RFT1: variants seen among roughly 807,000 people sequenced by gnomAD.
The protein encoded by RFT1 is RFT1 glycolipid translocator homolog.
In RFT1, 43 loss-of-function variants were observed where a neutral mutation model predicts 62.2. That is an observed-to-expected ratio of 0.69 (90% confidence interval 0.54 to 0.89). The LOEUF is 0.89. RFT1 is among the 40% of genes least tolerant of loss of function. The probability of loss-of-function intolerance (pLI) is 0.00; values close to 1 mark genes in which losing one functional copy is unlikely to be tolerated. For synonymous variants in RFT1, 262 were observed against 264.6 expected, an observed-to-expected ratio of 0.99 and a Z score of 0.10; for missense variants, 605 against 649.9, an observed-to-expected ratio of 0.93 and a Z score of 0.75.
intron 10 of RFT1, 102 bp from the exon 11 acceptor site, chr3:53,099,588 G>A (rs573867279): frequency 2.4e-4 from 208 of 861,546 alleles, no homozygotes; most frequent in Non-Finnish European, 3.6e-4. Context: ...AGACTATGAG[G>A]TCTGCTGGTA....
the RFT1 span, among the ~76,000 whole-genome samples, chr3:53,081,264 A>G: frequency 6.6e-6 from 1 of 152,208 alleles, no homozygotes; most frequent in African/African-American, 2.4e-5. Flanking sequence ...CCATTAAATC[A>G]TGAGTATTTA....
At position 53,104,014 on chromosome 3, in the gene RFT1, G is replaced by A; in HGVS notation, c.1041C>T (p.Gly347=). The A allele has an allele frequency of 8.7e-6, 14 of 1,614,222 alleles. No individual in the cohort carries two copies. The highest frequency in any genetic ancestry group is 1.2e-5 in the Non-Finnish European group (14 of 1,180,034). ...LLAGLTITVF[G]FAYSQLALDI... ...CCAGAGCCAGCTGAGAATAGGCAAA[G>A]CCAAAAACAGTGATGGTCAGGCCGG... Residue 347 remains glycine, a synonymous_variant, in exon 10 of 13, where the codon GGC becomes GGT. Transcript: ENST00000296292.
intron 1 of RFT1, among the ~76,000 whole-genome samples, chr3:53,129,546 A>C (rs1268804827): frequency 2.0e-5 from 3 of 152,132 alleles, no homozygotes; most frequent in Admixed American, 6.5e-5. Flanking sequence ...GATTGGCTCA[A>C]GAGTGAGACA....
intron 6 of RFT1, among the ~76,000 whole-genome samples, chr3:53,116,965 G>A (rs1369860928): frequency 6.6e-6 from 1 of 152,148 alleles, no homozygotes; most frequent in East Asian, 1.9e-4. Context: ...TAATCTTTAT[G>A]TAAACAATAA....
At chr3:53,084,134 G>A (rs1700810417), downstream of RFT1, among the ~76,000 whole-genome samples, 1 of 152,228 alleles carries the variant, frequency 6.6e-6, no homozygotes, top group Non-Finnish European at 1.5e-5. Flanking sequence ...GAAGATAAGA[G>A]TGTGCTCCAA....
At chr3:53,107,010 C>A in intron 7 of RFT1, 141 bp from the exon 8 acceptor site, 1 of 676,102 alleles carries the variant, frequency 1.5e-6, no homozygotes, top group South Asian at 1.8e-5. Flanking sequence ...TGTCCTTGTC[C>A]TAATGTTGAT....
chr3:53,092,335 G>A (rs1455300931), intron 12 of RFT1, 34 bp downstream of exon 12: 2 of 1,583,592 alleles, frequency 1.3e-6, no homozygotes, highest in East Asian at 4.6e-5. Flanking sequence ...GGCAGCTGCA[G>A]AAGCATGTGG....
intron 10 of RFT1, among the ~76,000 whole-genome samples, chr3:53,102,952 T>C (rs1701360060): frequency 6.6e-6 from 1 of 152,156 alleles, no homozygotes; most frequent in Admixed American, 6.5e-5. Context: ...GAGTTCCCAA[T>C]CTCTGCCCAT....
At chr3:53,103,362 C>T (rs756146219) in intron 10 of RFT1, 64 of 705,008 alleles carry the variant, frequency 9.1e-5, no homozygotes, top group Non-Finnish European at 6.1e-5. Flanking sequence ...TGATGAAGTC[C>T]CCAAGACCTA....
At chr3:53,074,402 A>G in the RFT1 span, among the ~76,000 whole-genome samples, 3 of 152,170 alleles carry the variant, frequency 2.0e-5, no homozygotes, top group Non-Finnish European at 2.9e-5. Flanking sequence ...CTGGGACCAC[A>G]GAGATGGATG....
In RFT1 at chr3:53,092,475, T is replaced by A; in HGVS notation, c.1352A>T (p.His451Leu). 1.9e-6 allele frequency: 3 copies of A among 1,612,320 alleles called. No individual in the cohort carries two copies. Among genetic ancestry groups the A allele is most frequent in the Non-Finnish European group, 2.5e-6 (3 of 1,179,568 alleles). ...GTGGGGGCTCCTTCGGTAGTAGCGG[T>A]GGATGAAGCAAAGGCTCTGCGTGAT... The part of the protein sequence containing the change: ...IRITQSLCFI[H>L]RYYRRSPHRP... Residue 451 changes from histidine (H) to leucine (L), a missense_variant, in exon 12 of 13, where the codon CAC (histidine) becomes CTC (leucine). Coordinates refer to ENST00000296292, the MANE Select transcript of RFT1 (RefSeq NM_052859.4).
Position 53,122,676 on chromosome 3 carries a change from T to A in RFT1, c.267-113A>T, listed in dbSNP as rs147204677. ...TTATAATACAAACAGCTACCATTTA[T>A]TTATAAGATACTAACTACATGCCAG... On this transcript the variant is annotated intron_variant, in intron 3 of 12. Coordinates refer to ENST00000296292, the MANE Select transcript of RFT1 (RefSeq NM_052859.4). The A allele has an allele frequency of 5.0e-4, 305 of 606,746 alleles. 1 individual carries two copies. In the East Asian group the frequency reaches 0.01, roughly 20 times the overall value. 37.6% of individuals were successfully genotyped at this position (606,746 alleles called of 1,614,324 possible). A position where few individuals can be genotyped will look rare whatever the true frequency, so the allele number is the denominator to read the frequency against.
chr3:53,122,112 G>A (rs950693649), intron 4 of RFT1, among the ~76,000 whole-genome samples: 2 of 151,938 alleles, frequency 1.3e-5, no homozygotes, highest in Non-Finnish European at 2.9e-5. Context: ...AAACCTTTAC[G>A]GTCCTTCTAA....
chr3:53,092,238 A>T, intron 12 of RFT1, 131 bp downstream of exon 12: 4 of 1,433,736 alleles, frequency 2.8e-6, no homozygotes, highest in Non-Finnish European at 3.8e-6. Context: ...TTGTCACATT[A>T]TCAGAAGATG....
intron 10 of RFT1, 123 bp downstream of exon 10, chr3:53,103,830 C>T: frequency 2.4e-6 from 3 of 1,235,470 alleles, no homozygotes; most frequent in Admixed American, 1.9e-5. Flanking sequence ...CAGCCCCTGC[C>T]ACCAGACAGT....
intron 9 of RFT1, 138 bp from the exon 10 acceptor site, chr3:53,104,235 T>G: frequency 1.1e-6 from 1 of 899,236 alleles, no homozygotes; most frequent in South Asian, 1.7e-5. Flanking sequence ...TATTTTTTTG[T>G]AGTGTGTTTG....
intron 9 of RFT1, 26 bp from the exon 10 acceptor site, chr3:53,104,123 G>A: frequency 1.2e-6 from 2 of 1,612,714 alleles, no homozygotes; most frequent in African/African-American, 1.3e-5. Flanking sequence ...AGGGAAGGAA[G>A]TTGGATGAAT....
At chr3:53,102,140 G>A (rs1454992234) in intron 10 of RFT1, among the ~76,000 whole-genome samples, 1 of 152,154 alleles carries the variant, frequency 6.6e-6, no homozygotes, top group African/African-American at 2.4e-5. Context: ...AAGACAGAGA[G>A]AACACAGCCA....
At chr3:53,074,082 GTCTC>G in the RFT1 span, among the ~76,000 whole-genome samples, 2 of 152,306 alleles carry the variant, frequency 1.3e-5, no homozygotes, top group Admixed American at 6.5e-5. Context: ...TGGGGTCTCT[GTCTC>G]TCTGAGAGGG....
Sources: allele counts gnomAD v4.1 joint callset (sites outside exome capture counted in the v4.1 genomes callset), GRCh38; gene constraint gnomAD v4.1.1; transcripts MANE v1.5; gene names NCBI Gene and HGNC (gene_info 2026-07-23, HGNC 2026-07-21).